USH2A: variants seen among roughly 807,000 people sequenced by gnomAD.
The protein encoded by USH2A is usherin.
Under a neutral mutation model 538.9 loss-of-function variants are expected in USH2A, and 443 were observed. The ratio of observed to expected loss-of-function variants is 0.82; its 90% CI spans 0.76 to 0.89. The LOEUF is 0.89. USH2A is among the 40% of genes least tolerant of loss of function. The pLI is 0.00. For synonymous variants in USH2A, 2,413 were observed against 2,273.5 expected, an observed-to-expected ratio of 1.06 and a Z score of -1.75; for missense variants, 6,633 against 6,324.8, an observed-to-expected ratio of 1.05 and a Z score of -1.65.
intron 37 of USH2A, among the ~76,000 whole-genome samples, chr1:215,964,595 A>G (rs773502231): frequency 6.6e-6 from 1 of 152,162 alleles, no homozygotes; most frequent in Non-Finnish European, 1.5e-5. Flanking sequence ...CTACTCATTT[A>G]AAAATAAAGG....
At chr1:215,778,323 A>T (rs1237733394) in intron 55 of USH2A, among the ~76,000 whole-genome samples, 3 of 152,162 alleles carry the variant, frequency 2.0e-5, no homozygotes, top group Non-Finnish European at 1.5e-5. Flanking sequence ...AAGTGCTGAG[A>T]TTACAGGCAT....
At chr1:216,148,582 C>T (rs867933288) in intron 21 of USH2A, among the ~76,000 whole-genome samples, 10 of 151,872 alleles carry the variant, frequency 6.6e-5, no homozygotes, top group South Asian at 2.1e-4. Context: ...CTGTTATCAC[C>T]CGCCTGCTAC....
At chr1:216,354,837 A>C (rs750026003) in intron 4 of USH2A, among the ~76,000 whole-genome samples, 10 of 152,134 alleles carry the variant, frequency 6.6e-5, no homozygotes, top group Non-Finnish European at 1.3e-4. Context: ...GAAAAAAAGA[A>C]AGAAAAGTTT....
intron 49 of USH2A, among the ~76,000 whole-genome samples, chr1:215,804,939 G>C (rs1662451336): frequency 6.6e-6 from 1 of 152,108 alleles, no homozygotes; most frequent in Non-Finnish European, 1.5e-5. Context: ...ATACACCATG[G>C]AATACTATGC....
Position 215,767,877 on chromosome 1 carries a change from G to A in USH2A, c.10940-1089C>T, listed in dbSNP as rs141895601. ...CAAGACATCTCTCTCTTGACTCTTG[G>A]GAAAGTTCAAACAATGCCAAAGCTC... On this transcript the variant is annotated intron_variant, in intron 55 of 71. Coordinates refer to ENST00000307340, the MANE Select transcript of USH2A (RefSeq NM_206933.4). Among the ~76,000 whole-genome samples, 388 of 152,094 alleles carry A rather than the reference G, an allele frequency of 2.6e-3. 1 individual carries two copies. Among genetic ancestry groups the A allele is most frequent in the Non-Finnish European group, 4.3e-3 (290 of 67,966 alleles).
intron 30 of USH2A, among the ~76,000 whole-genome samples, chr1:216,050,275 A>T (rs72744697): frequency 6.6e-6 from 1 of 152,058 alleles, no homozygotes; most frequent in Non-Finnish European, 1.5e-5. Context: ...CCATATGTAC[A>T]TGGGCAAGTT....
chr1:216,339,826 G>A (rs1394302895), intron 4 of USH2A, among the ~76,000 whole-genome samples: 1 of 151,232 alleles, frequency 6.6e-6, no homozygotes, highest in Non-Finnish European at 1.5e-5. Context: ...CTGGAACACA[G>A]CTAAGGCAGT....
At chr1:216,294,499 C>A (rs1453531563) in intron 9 of USH2A, among the ~76,000 whole-genome samples, 1 of 151,434 alleles carries the variant, frequency 6.6e-6, no homozygotes, top group Non-Finnish European at 1.5e-5. Context: ...AAATAACATT[C>A]AACCCTTCTG....
At chr1:216,372,894 A>G (rs1009551467) in intron 3 of USH2A, among the ~76,000 whole-genome samples, 1 of 152,208 alleles carries the variant, frequency 6.6e-6, no homozygotes, top group Middle Eastern at 3.2e-3. Flanking sequence ...ACTCATGGAG[A>G]ACAGATGATT....
At chr1:216,096,539 C>G (rs986759016) in intron 22 of USH2A, among the ~76,000 whole-genome samples, 1 of 152,030 alleles carries the variant, frequency 6.6e-6, no homozygotes, top group African/African-American at 2.4e-5. Context: ...TTTTATGTTC[C>G]TATAATACAT....
chr1:215,832,112 T>A (rs1357216505), intron 47 of USH2A, among the ~76,000 whole-genome samples: 1 of 151,928 alleles, frequency 6.6e-6, no homozygotes, highest in Non-Finnish European at 1.5e-5. Flanking sequence ...TTGCCAAATA[T>A]CATACATTAT....
chr1:215,681,529 T>G (rs944121625), intron 61 of USH2A, among the ~76,000 whole-genome samples: 8 of 152,156 alleles, frequency 5.3e-5, no homozygotes, highest in Non-Finnish European at 1.2e-4. Flanking sequence ...GGAAGAAGAA[T>G]ATAAAGTGGA....
At chr1:216,395,556 T>A (rs1571776847) in intron 3 of USH2A, among the ~76,000 whole-genome samples, 1 of 152,202 alleles carries the variant, frequency 6.6e-6, no homozygotes. Flanking sequence ...TGTACAGGTA[T>A]GGTATCACAA....
chr1:216,208,571 T>C (rs2035170723), intron 15 of USH2A, among the ~76,000 whole-genome samples: 1 of 152,134 alleles, frequency 6.6e-6, no homozygotes, highest in Non-Finnish European at 1.5e-5. Flanking sequence ...GCAAAAGAGA[T>C]GGTCCAGTAC....
intron 47 of USH2A, among the ~76,000 whole-genome samples, chr1:215,829,362 A>G (rs1226976427): frequency 6.6e-6 from 1 of 152,234 alleles, no homozygotes; most frequent in Non-Finnish European, 1.5e-5. Flanking sequence ...ATGAGTTGGT[A>G]CACTGCACGC....
At chr1:216,363,194 G>T (rs2038529847) in intron 4 of USH2A, among the ~76,000 whole-genome samples, 1 of 151,988 alleles carries the variant, frequency 6.6e-6, no homozygotes, top group Admixed American at 6.6e-5. Context: ...AGAAAATATA[G>T]TTTATATACA....
intron 30 of USH2A, among the ~76,000 whole-genome samples, chr1:216,059,739 A>C (rs1438709844): frequency 6.6e-6 from 1 of 152,070 alleles, no homozygotes; most frequent in Non-Finnish European, 1.5e-5. Context: ...CTTGTAATTG[A>C]GAATTGGGTT....
intron 60 of USH2A, among the ~76,000 whole-genome samples, chr1:215,737,014 TATTA>T (rs1224890463): frequency 1.3e-5 from 2 of 151,986 alleles, no homozygotes; most frequent in Admixed American, 1.3e-4. Flanking sequence ...TAAGAATATT[TATTA>T]GAGAATTGCT....
At chr1:215,934,965 T>C (rs1666457289) in intron 37 of USH2A, among the ~76,000 whole-genome samples, 170 bp from the exon 38 acceptor site, 1 of 152,038 alleles carries the variant, frequency 6.6e-6, no homozygotes, top group Non-Finnish European at 1.5e-5. Context: ...TTGGATTTTA[T>C]TATCTTGTGA....
Sources: gnomAD v4.1 joint callset for allele counts (sites outside exome capture counted in the v4.1 genomes callset) on GRCh38, gnomAD v4.1.1 for gene constraint, MANE v1.5 for transcripts, NCBI Gene and HGNC (gene_info 2026-07-23, HGNC 2026-07-21) for gene names.